Variants in TBC1D22A observed in about 807,000 individuals in gnomAD.
The protein encoded by TBC1D22A is putative GTPase activator.
A neutral mutation model predicts 60.2 loss-of-function variants in TBC1D22A; 38 were observed. That is an observed-to-expected ratio of 0.63 (90% confidence interval 0.49 to 0.83). TBC1D22A has a LOEUF of 0.83. TBC1D22A is among the 40% of genes least tolerant of loss of function. The pLI, the probability that TBC1D22A is intolerant of heterozygous loss-of-function variation, is 0.00. For missense variants in TBC1D22A, 628 were observed against 701.0 expected (o/e 0.90, Z 1.18); for synonymous variants, 302 against 281.7 (o/e 1.07, Z -0.72).
rs979078249 is a variant in TBC1D22A at position 46,830,780 on chromosome 22, T to C, written c.637+33160T>C. Among the ~76,000 whole-genome samples the C allele has an allele frequency of 3.9e-5, 6 of 152,340 alleles. No homozygotes were observed. The East Asian group carries it at 1.2e-3, about 29-fold the overall frequency. ...TATTTATAATTTTTAGAAAGTTCAT[T>C]CTGGTGCAAGTGGCCTGGAAAAGTG... On this transcript the variant is annotated intron_variant, in intron 4 of 12. Coordinates refer to ENST00000337137, the MANE Select transcript of TBC1D22A (RefSeq NM_014346.5).
intron 12 of TBC1D22A, among the ~76,000 whole-genome samples, chr22:47,139,269 G>A (rs1043318521): frequency 1.3e-5 from 2 of 152,216 alleles, no homozygotes; most frequent in African/African-American, 4.8e-5. Context: ...TTGCCCGCAC[G>A]GAACTGTGTG....
chr22:46,929,153 G>A (rs943002952), intron 8 of TBC1D22A, among the ~76,000 whole-genome samples: 1 of 152,198 alleles, frequency 6.6e-6, no homozygotes, highest in Non-Finnish European at 1.5e-5. Flanking sequence ...TTATCCCGTT[G>A]TAAGGAGATG....
At chr22:46,773,798 C>T (rs1057043958) in intron 1 of TBC1D22A, 30 of 396,628 alleles carry the variant, frequency 7.6e-5, no homozygotes, top group African/African-American at 5.7e-4. Flanking sequence ...TGCAACCACA[C>T]GTGTAGTCCT....
At chr22:46,892,364 C>T (rs940799568) in intron 6 of TBC1D22A, among the ~76,000 whole-genome samples, 1 of 151,840 alleles carries the variant, frequency 6.6e-6, no homozygotes, top group Non-Finnish European at 1.5e-5. Context: ...AAGTTAAATG[C>T]CTTCCTGGAC....
At chr22:47,080,308 A>G (rs2064411028) in intron 11 of TBC1D22A, among the ~76,000 whole-genome samples, 1 of 152,212 alleles carries the variant, frequency 6.6e-6, no homozygotes, top group African/African-American at 2.4e-5. Flanking sequence ...ACATTCAACA[A>G]TGGCAGATAC....
chr22:47,077,309 G>C (rs1303562311), intron 11 of TBC1D22A, among the ~76,000 whole-genome samples: 1 of 152,174 alleles, frequency 6.6e-6, no homozygotes, highest in Non-Finnish European at 1.5e-5. Context: ...GGTGAGTGTG[G>C]ACTCTTTCTG....
chr22:46,920,964 T>C (rs2070723364), intron 8 of TBC1D22A, among the ~76,000 whole-genome samples: 1 of 151,912 alleles, frequency 6.6e-6, no homozygotes, highest in Admixed American at 6.6e-5. Context: ...AGAGACAGGG[T>C]TTTACCATGT....
intron 10 of TBC1D22A, among the ~76,000 whole-genome samples, chr22:47,004,708 TACATACACACACCTGCCATATAC>T (rs1241790744): frequency 6.9e-6 from 1 of 145,378 alleles, no homozygotes; most frequent in East Asian, 2.0e-4. Flanking sequence ...ATACCCCTCA[TACATACACACACCTGCCATATAC>T]ACATACACAC....
intron 1 of TBC1D22A, among the ~76,000 whole-genome samples, chr22:46,783,042 G>A (rs928710598): frequency 5.3e-5 from 8 of 152,216 alleles, no homozygotes; most frequent in Non-Finnish European, 1.5e-5. Flanking sequence ...GTTTTCCACA[G>A]CAGCTGCCCA....
intron 4 of TBC1D22A, among the ~76,000 whole-genome samples, chr22:46,803,975 C>T (rs572053447): frequency 2.6e-5 from 4 of 152,330 alleles, no homozygotes; most frequent in Admixed American, 1.3e-4. Context: ...CCTTTCTTGC[C>T]TTCTTTTGGT....
chr22:47,156,903 C>T lies in TBC1D22A; in HGVS notation c.1426-16595C>T, dbSNP rs113295314. Among the ~76,000 whole-genome samples the T allele has an allele frequency of 3.7e-3, 566 of 152,364 alleles. 5 individuals are homozygous for T. Among genetic ancestry groups the T allele is most frequent in the African/African-American group, 0.012 (504 of 41,588 alleles). Reference sequence around the variant, plus strand: ...CCGTCTCCTTCTGTCGTCCTGGCCACAGCCCCATGGTCTTCAGTCCCATGA... The same window carrying T: ...CCGTCTCCTTCTGTCGTCCTGGCCATAGCCCCATGGTCTTCAGTCCCATGA... On this transcript the variant is annotated intron_variant, in intron 12 of 12. Coordinates refer to ENST00000337137, the MANE Select transcript of TBC1D22A (RefSeq NM_014346.5).
rs2067693487 is a variant in TBC1D22A, at chr22:46,878,694, G to A, written c.679G>A (p.Val227Met). 6.2e-7 allele frequency: 1 copy of A among 1,613,234 alleles called. No individual in the cohort carries two copies. Among genetic ancestry groups the A allele is most frequent in the African/African-American group, 1.3e-5 (1 of 75,034 alleles). ...RLSWSGIPKP[V>M]RPMTWKLLSG... ...GAGCTGGTCCGGAATCCCTAAGCCA[G>A]TGCGTCCAATGACGTGGAAGCTCCT... The change falls in exon 5 of 13, where the codon GTG becomes ATG. Residue 227 changes from valine to methionine, a missense_variant. Transcript: ENST00000337137.
At chr22:47,099,456 T>C (rs1182453640) in intron 11 of TBC1D22A, among the ~76,000 whole-genome samples, 1 of 151,220 alleles carries the variant, frequency 6.6e-6, no homozygotes, top group Admixed American at 6.6e-5. Context: ...TGTTGTTTTT[T>C]TTTTTTGAAA....
chr22:47,032,881 A>G (rs955275662), intron 10 of TBC1D22A, among the ~76,000 whole-genome samples: 10 of 152,082 alleles, frequency 6.6e-5, no homozygotes, highest in African/African-American at 2.2e-4. Flanking sequence ...CAGGCCAGGC[A>G]CCTGCCCTGG....
chr22:46,835,383 T>G (rs2086473849), intron 4 of TBC1D22A, among the ~76,000 whole-genome samples: 1 of 151,900 alleles, frequency 6.6e-6, no homozygotes, highest in South Asian at 2.1e-4. Flanking sequence ...AAATGGGAAG[T>G]TCAACAAAGA....
At chr22:46,950,545 A>G (rs188185710) in intron 8 of TBC1D22A, among the ~76,000 whole-genome samples, 13 of 152,216 alleles carry the variant, frequency 8.5e-5, no homozygotes, top group African/African-American at 3.1e-4. Flanking sequence ...TTTAGGGCCC[A>G]CTGGTTCCCA....
chr22:47,072,827 A>G (rs2064057122), intron 11 of TBC1D22A, among the ~76,000 whole-genome samples: 1 of 152,164 alleles, frequency 6.6e-6, no homozygotes, highest in African/African-American at 2.4e-5. Context: ...TTGGCCATAC[A>G]TGTCATGGTC....
At chr22:46,856,535 A>C (rs1320758730) in intron 4 of TBC1D22A, among the ~76,000 whole-genome samples, 1 of 152,242 alleles carries the variant, frequency 6.6e-6, no homozygotes. Flanking sequence ...ATTAAATGCC[A>C]TGCAACATTG....
chr22:46,931,868 G>A (rs1244441823), intron 8 of TBC1D22A, among the ~76,000 whole-genome samples: 1 of 152,100 alleles, frequency 6.6e-6, no homozygotes, highest in East Asian at 1.9e-4. Context: ...TTTTTATTTT[G>A]TTCCTAGAAA....
Sources: allele counts gnomAD v4.1 joint callset (sites outside exome capture counted in the v4.1 genomes callset), GRCh38; gene constraint gnomAD v4.1.1; transcripts MANE v1.5; gene names NCBI Gene and HGNC (gene_info 2026-07-23, HGNC 2026-07-21).